Variants in ASCC3 observed in about 807,000 individuals in gnomAD.
ASCC3 encodes activating signal cointegrator 1 complex subunit 3, also known as ASC-1 complex subunit P200.
Under a neutral mutation model 256.3 loss-of-function variants are expected in ASCC3, and 158 were observed. The observed-to-expected ratio is 0.62, with a 90% confidence interval of 0.54 to 0.70. The LOEUF is 0.70. Among genes scored for constraint, ASCC3 ranks in the 30% least tolerant of loss-of-function variants. The pLI is 0.00. For missense variants in ASCC3, 2,259 were observed against 2,626.0 expected, an observed-to-expected ratio of 0.86 and a Z score of 3.05; for synonymous variants, 948 against 883.4, an observed-to-expected ratio of 1.07 and a Z score of -1.30.
At chr6:100,753,290 T>G (rs1172410928) in intron 10 of ASCC3, among the ~76,000 whole-genome samples, 1 of 127,688 alleles carries the variant, frequency 7.8e-6, no homozygotes, top group Non-Finnish European at 1.6e-5. Context: ...AGTTTTTTGC[T>G]AAAATATTCA....
chr6:100,686,343 T>C (rs1315274786), intron 13 of ASCC3, among the ~76,000 whole-genome samples: 1 of 152,184 alleles, frequency 6.6e-6, no homozygotes, highest in East Asian at 1.9e-4. Flanking sequence ...AGTATAAAAA[T>C]GTGCACAATG....
chr6:100,712,777 A>G (rs1350427519), intron 13 of ASCC3, among the ~76,000 whole-genome samples: 2 of 65,484 alleles, frequency 3.1e-5, no homozygotes, highest in East Asian at 9.6e-4. Flanking sequence ...TTTTTTTTTG[A>G]GACGGAGTCT....
At chr6:100,528,317 C>A (rs1202353706) in intron 37 of ASCC3, among the ~76,000 whole-genome samples, 1 of 152,104 alleles carries the variant, frequency 6.6e-6, no homozygotes, top group Non-Finnish European at 1.5e-5. Flanking sequence ...GAAGTTTAGG[C>A]TAAACAACAA....
intron 25 of ASCC3, among the ~76,000 whole-genome samples, chr6:100,634,336 T>C (rs879304582): frequency 6.6e-5 from 10 of 152,180 alleles, no homozygotes; most frequent in Non-Finnish European, 1.2e-4. Context: ...TATACAACAC[T>C]AGAATTTATT....
chr6:100,575,658 TATAA>T (rs1303162712), intron 36 of ASCC3, among the ~76,000 whole-genome samples: 1 of 152,124 alleles, frequency 6.6e-6, no homozygotes, highest in Non-Finnish European at 1.5e-5. Flanking sequence ...ATATTCGATA[TATAA>T]ATAAAATCTC....
chr6:100,656,322 T>C (rs935185355), intron 16 of ASCC3, among the ~76,000 whole-genome samples: 3 of 151,616 alleles, frequency 2.0e-5, no homozygotes, highest in African/African-American at 7.2e-5. Flanking sequence ...AGACACGAAT[T>C]TGCAGGACTG....
chr6:100,564,242 T>A (rs1395354653), intron 36 of ASCC3, among the ~76,000 whole-genome samples: 1 of 152,046 alleles, frequency 6.6e-6, no homozygotes, highest in East Asian at 1.9e-4. Context: ...TTCTAACTAT[T>A]TGAAATATAC....
chr6:100,592,890 G>A (rs1326809971), intron 34 of ASCC3, among the ~76,000 whole-genome samples: 2 of 152,062 alleles, frequency 1.3e-5, no homozygotes, highest in East Asian at 3.9e-4. Context: ...TATGGGTAAA[G>A]GATAAAACGT....
chr6:100,847,175 A>T (rs1450126564), intron 4 of ASCC3, among the ~76,000 whole-genome samples: 6 of 152,180 alleles, frequency 3.9e-5, no homozygotes, highest in Non-Finnish European at 1.5e-5. Flanking sequence ...AATATCCATT[A>T]ATTAGATATT....
chr6:100,721,991 T>C (rs376015969), intron 11 of ASCC3, among the ~76,000 whole-genome samples: 3 of 151,846 alleles, frequency 2.0e-5, no homozygotes, highest in Admixed American at 6.6e-5. Context: ...CTTTAATCCA[T>C]CTTGAGTTAA....
intron 10 of ASCC3, among the ~76,000 whole-genome samples, chr6:100,726,724 T>C (rs917872855): frequency 5.9e-5 from 9 of 152,020 alleles, no homozygotes; most frequent in Non-Finnish European, 8.8e-5. Context: ...TTCAGTTCCC[T>C]GAACTAAAAT....
At chr6:100,844,567 A>T (rs1772301710) in intron 4 of ASCC3, among the ~76,000 whole-genome samples, 3 of 152,124 alleles carry the variant, frequency 2.0e-5, no homozygotes, top group African/African-American at 7.2e-5. Flanking sequence ...TGGAATATTC[A>T]AGTCTTATTC....
Position 100,607,000 on chromosome 6 carries a change from T to C in ASCC3, c.4874A>G (p.Glu1625Gly). The C allele has an allele frequency of 1.2e-6, 2 of 1,613,748 alleles. No individual in the cohort carries two copies. The highest frequency in any genetic ancestry group is 1.7e-6 in the Non-Finnish European group (2 of 1,179,804). ...TTCCTCTACTGTTTTTCGGTCCCTC[T>C]CATGTAGTCCAGCATGATGCATTCC... The part of the protein sequence containing the change: ...GIGMHHAGLH[E>G]RDRKTVEELF... Residue 1625 changes from glutamate to glycine, a missense_variant, in exon 31 of 42, where the codon GAG (glutamate) becomes GGG (glycine). Around this residue, in one of 2 missense-constraint regions of ASCC3, gnomAD observed 1,839 missense variants for 2,206.7 expected, o/e 0.83. Coordinates refer to ENST00000369162, the MANE Select transcript of ASCC3 (RefSeq NM_006828.4).
At chr6:100,787,058 C>T (rs1214397395) in intron 8 of ASCC3, among the ~76,000 whole-genome samples, 1 of 152,082 alleles carries the variant, frequency 6.6e-6, no homozygotes, top group Non-Finnish European at 1.5e-5. Flanking sequence ...ATCCCAGATG[C>T]CTGCCTCCTG....
intron 36 of ASCC3, among the ~76,000 whole-genome samples, chr6:100,545,793 A>G (rs1461834669): frequency 6.6e-6 from 1 of 152,062 alleles, no homozygotes. Context: ...TGTTGCGGAG[A>G]CTGATCTCAA....
At chr6:100,812,504 AAAG>A (rs1770522613) in intron 4 of ASCC3, among the ~76,000 whole-genome samples, 1 of 152,188 alleles carries the variant, frequency 6.6e-6, no homozygotes, top group Non-Finnish European at 1.5e-5. Context: ...TTAAAAAAAA[AAAG>A]AAAATTATGA....
At chr6:100,641,348 C>T (rs1775111968) in intron 24 of ASCC3, among the ~76,000 whole-genome samples, 2 of 152,218 alleles carry the variant, frequency 1.3e-5, no homozygotes, top group Admixed American at 6.5e-5. Context: ...CCCACATCCT[C>T]TCCAGCACCT....
At chr6:100,812,522 A>G (rs1434694011) in intron 4 of ASCC3, among the ~76,000 whole-genome samples, 1 of 152,202 alleles carries the variant, frequency 6.6e-6, no homozygotes, top group Admixed American at 6.5e-5. Flanking sequence ...TTATGAAATT[A>G]TACACTACAG....
At chr6:100,645,305 A>G (rs1775324760) in intron 22 of ASCC3, among the ~76,000 whole-genome samples, 2 of 151,966 alleles carry the variant, frequency 1.3e-5, no homozygotes, top group South Asian at 2.1e-4. Context: ...GAAATATTAA[A>G]TATAATTTTG....
Sources: allele counts gnomAD v4.1 joint callset (sites outside exome capture counted in the v4.1 genomes callset), GRCh38; gene constraint gnomAD v4.1.1; regional missense constraint gnomAD v4.1.1; transcripts MANE v1.5; gene names NCBI Gene and HGNC (gene_info 2026-07-23, HGNC 2026-07-21).